The following SSBP2 variants were observed in gnomAD, a reference collection of about 807,000 sequenced individuals.
SSBP2 encodes the protein single stranded DNA binding protein 2.
Under a neutral mutation model 61.8 loss-of-function variants are expected in SSBP2, and 17 were observed. The ratio of observed to expected loss-of-function variants is 0.28; its 90% CI spans 0.19 to 0.41. The LOEUF is 0.41. Ranked by LOEUF, SSBP2 falls within the 10% of genes least tolerant of loss-of-function variation. SSBP2 has a pLI of 1.00. For synonymous variants in SSBP2, 139 were observed against 141.3 expected (o/e 0.98, Z 0.12); for missense variants, 310 against 458.7 (o/e 0.68, Z 2.96).
At chr5:81,495,900 C>G (rs1767240037) in intron 5 of SSBP2, among the ~76,000 whole-genome samples, 1 of 151,898 alleles carries the variant, frequency 6.6e-6, no homozygotes, top group Non-Finnish European at 1.5e-5. Context: ...AAAAAAAACC[C>G]TCTAAAATGT....
At chr5:81,696,030 G>GTA (rs1470007021) in intron 1 of SSBP2, among the ~76,000 whole-genome samples, 1 of 152,150 alleles carries the variant, frequency 6.6e-6, no homozygotes, top group African/African-American at 2.4e-5. Flanking sequence ...AGGAAACAGA[G>GTA]TACAGGCAGA....
intron 1 of SSBP2, among the ~76,000 whole-genome samples, chr5:81,713,578 A>G (rs1396432872): frequency 6.6e-6 from 1 of 152,216 alleles, no homozygotes; most frequent in Admixed American, 6.5e-5. Context: ...AAGACACTTA[A>G]AAGATGTACA....
chr5:81,458,324 G>T (rs2153992697), intron 10 of SSBP2, among the ~76,000 whole-genome samples: 1 of 152,248 alleles, frequency 6.6e-6, no homozygotes, highest in African/African-American at 2.4e-5. Context: ...TTTTACTGGG[G>T]TTATAAAAAA....
intron 1 of SSBP2, among the ~76,000 whole-genome samples, chr5:81,749,570 AC>A (rs1219928335): frequency 6.6e-6 from 1 of 151,828 alleles, no homozygotes; most frequent in Non-Finnish European, 1.5e-5. Context: ...TCTGGTCTGA[AC>A]CCCCTCAGAA....
At chr5:81,439,845 G>A (rs1383479731) in intron 14 of SSBP2, among the ~76,000 whole-genome samples, 2 of 151,744 alleles carry the variant, frequency 1.3e-5, no homozygotes, top group Non-Finnish European at 2.9e-5. Context: ...CTAATTTTTT[G>A]TATTTTTAGT....
At chr5:81,562,385 C>T (rs1359457488) in intron 4 of SSBP2, among the ~76,000 whole-genome samples, 1 of 152,144 alleles carries the variant, frequency 6.6e-6, no homozygotes, top group African/African-American at 2.4e-5. Context: ...TGCTATCTTT[C>T]ATGAAACATA....
chr5:81,576,859 A>C (rs1482149048), intron 4 of SSBP2, among the ~76,000 whole-genome samples: 1 of 152,104 alleles, frequency 6.6e-6, no homozygotes, highest in Non-Finnish European at 1.5e-5. Flanking sequence ...CAGCAGTCTA[A>C]TCAATAAAAT....
intron 4 of SSBP2, among the ~76,000 whole-genome samples, chr5:81,580,750 TA>T (rs10651788): frequency 6.6e-4 from 97 of 145,918 alleles, no homozygotes; most frequent in Non-Finnish European, 6.2e-4. Flanking sequence ...TCAGTGTAGG[TA>T]AAAAAAAAAA....
At position 81,656,004 on chromosome 5, in the gene SSBP2, GT is replaced by G. The variant is rs537984459; in HGVS notation, c.63-5666del. On this transcript the variant is annotated intron_variant, in intron 1 of 16. Transcript: ENST00000320672. ...ACTTTGCATGATTCTAACAAAAGGG[GT>G]TTTTTTTATTTAAAAATTATACAAT... Among the ~76,000 whole-genome samples the G allele has an allele frequency of 6.2e-3, 945 of 151,922 alleles. 7 individuals carry two copies. The highest frequency in any genetic ancestry group is 0.022 in the African/African-American group (909 of 41,444).
intron 6 of SSBP2, among the ~76,000 whole-genome samples, chr5:81,487,492 T>C (rs1766469925): frequency 6.6e-6 from 1 of 152,174 alleles, no homozygotes; most frequent in African/African-American, 2.4e-5. Flanking sequence ...CCTGCCATTA[T>C]AATTGGATAA....
chr5:81,491,556 A>G (rs369963266), intron 5 of SSBP2, among the ~76,000 whole-genome samples: 3 of 152,174 alleles, frequency 2.0e-5, no homozygotes, highest in Admixed American at 2.0e-4. Flanking sequence ...GGCCCTGTGA[A>G]GGAGCTGCTG....
intron 1 of SSBP2, among the ~76,000 whole-genome samples, chr5:81,738,003 C>T (rs1462437301): frequency 6.6e-6 from 1 of 152,134 alleles, no homozygotes; most frequent in African/African-American, 2.4e-5. Context: ...CCCGAACTTC[C>T]ATCTCTGATT....
At chr5:81,549,523 T>C (rs1772011721) in intron 4 of SSBP2, among the ~76,000 whole-genome samples, 1 of 152,186 alleles carries the variant, frequency 6.6e-6, no homozygotes, top group Non-Finnish European at 1.5e-5. Flanking sequence ...TATGCAATAA[T>C]CTTGTGCTAC....
chr5:81,622,120 T>TAA (rs76185243), intron 3 of SSBP2, among the ~76,000 whole-genome samples: 11 of 127,076 alleles, frequency 8.7e-5, no homozygotes, highest in African/African-American at 2.3e-4. Flanking sequence ...AAAAAAAAAT[T>TAA]AAAAAAAAAA....
At chr5:81,509,893 AAACAT>A (rs1316838959) in intron 5 of SSBP2, among the ~76,000 whole-genome samples, 1 of 152,194 alleles carries the variant, frequency 6.6e-6, no homozygotes, top group Admixed American at 6.5e-5. Context: ...AAGGCCTATC[AAACAT>A]AACTATGAAC....
chr5:81,420,426 T>C lies in SSBP2; in HGVS notation c.*78A>G, dbSNP rs1244810500. On this transcript the variant is annotated 3_prime_UTR_variant, in exon 17 of 17. Coordinates refer to ENST00000320672, the MANE Select transcript of SSBP2 (RefSeq NM_012446.5). ...GATTCCTTTGTTTAACTGTACACTG[T>C]GATGAATAATTTTCTTCCGTAGTAG... 10 of 1,361,572 alleles carry C rather than the reference T, an allele frequency of 7.3e-6. No homozygotes were observed. The Admixed American group carries it at 1.5e-4, about 21-fold the overall frequency. The allele number at this position is 1,361,572 out of a possible 1,614,324, so 84.3% of individuals were successfully genotyped here. A position where few individuals can be genotyped will look rare whatever the true frequency, so the allele number is the denominator to read the frequency against.
rs114581023 is a variant in SSBP2 at position 81,717,177 on chromosome 5, G to A, written c.62+33804C>T. Among the ~76,000 whole-genome samples, 619 of 152,204 alleles carry A rather than the reference G, an allele frequency of 4.1e-3. 7 individuals are homozygous for A. Among genetic ancestry groups the A allele is most frequent in the African/African-American group, 0.014 (588 of 41,530 alleles). On this transcript the variant is annotated intron_variant, in intron 1 of 16. Coordinates refer to ENST00000320672, the MANE Select transcript of SSBP2 (RefSeq NM_012446.5). ...ATCCTGACCACTTGTTACCAGGGCC[G>A]TTTGTCAGGGTTGTGTCTGCTATGA...
At chr5:81,622,721 GTA>G (rs1415500400) in intron 3 of SSBP2, among the ~76,000 whole-genome samples, 3 of 152,120 alleles carry the variant, frequency 2.0e-5, no homozygotes, top group Non-Finnish European at 1.5e-5. Flanking sequence ...ACAAAACTTG[GTA>G]AACTGAAGCC....
Position 81,416,751 on chromosome 5 carries a change from A to T in SSBP2, c.*3753T>A, listed in dbSNP as rs1761324537. ...GAGTTCAGATATCTTAGAGAATCAT[A>T]AAAATAGAAATGGAAGTTTTATTTT... On this transcript the variant is annotated 3_prime_UTR_variant, in exon 17 of 17. Coordinates refer to ENST00000320672, the MANE Select transcript of SSBP2 (RefSeq NM_012446.5). The T allele has an allele frequency of 6.6e-6, 1 of 152,236 alleles. No individual in the cohort carries two copies. The highest frequency in any genetic ancestry group is 2.1e-4 in the South Asian group (1 of 4,834). 9.4% of individuals were successfully genotyped at this position (152,236 alleles called of 1,614,324 possible).
Sources: allele counts gnomAD v4.1 joint callset (sites outside exome capture counted in the v4.1 genomes callset), GRCh38; gene constraint gnomAD v4.1.1; transcripts MANE v1.5; gene names NCBI Gene and HGNC (gene_info 2026-07-23, HGNC 2026-07-21).